The following PARP11 variants were observed in gnomAD, a reference collection of about 807,000 sequenced individuals.
PARP11 encodes the protein protein mono-ADP-ribosyltransferase PARP11.
In PARP11, 31 loss-of-function variants were observed where a neutral mutation model predicts 42.9. The observed-to-expected ratio is 0.72, with a 90% CI of 0.54 to 0.98. The LOEUF is 0.98. Ranked by LOEUF, PARP11 falls within the 50% of genes least tolerant of loss-of-function variation. The pLI is 0.00. For missense variants in PARP11, 365 were observed against 413.1 expected, an observed-to-expected ratio of 0.88 and a Z score of 1.01; for synonymous variants, 137 against 127.3, an observed-to-expected ratio of 1.08 and a Z score of -0.51.
At chr12:3,841,032 G>A in intron 1 of PARP11, 2 of 1,586,778 alleles carry the variant, frequency 1.3e-6, no homozygotes, top group Middle Eastern at 1.7e-4. Flanking sequence ...CAGTGACACA[G>A]ACTTTGACCC....
At chr12:3,858,644 G>A (rs1948235783) in intron 1 of PARP11, among the ~76,000 whole-genome samples, 1 of 152,144 alleles carries the variant, frequency 6.6e-6, no homozygotes, top group Non-Finnish European at 1.5e-5. Flanking sequence ...CATCATAGGT[G>A]GAGACAAAGC....
intron 1 of PARP11, among the ~76,000 whole-genome samples, chr12:3,852,596 AG>A (rs761078484): frequency 3.3e-5 from 5 of 152,208 alleles, no homozygotes; most frequent in Non-Finnish European, 7.3e-5. Flanking sequence ...AAGAGTAAAA[AG>A]AAATGAACAA....
intron 1 of PARP11, chr12:3,841,879 T>C (rs1947895313): frequency 4.4e-6 from 7 of 1,608,450 alleles, no homozygotes; most frequent in Non-Finnish European, 6.0e-6. Context: ...GTCTAAAGAT[T>C]GTGGTTCAGT....
rs1212636965 is a variant in PARP11, at chr12:3,830,002, G to A, written c.35C>T (p.Ala12Val). 1 of 1,613,522 alleles carries A rather than the reference G, an allele frequency of 6.2e-7. No homozygotes were observed. The highest frequency in any genetic ancestry group is 1.7e-5 in the Admixed American group (1 of 59,998). ...WEANPEMFHK[A>V]EELFSKTTNN... ...TGTTGTTTTAGAAAATAATTCTTCT[G>A]CTTTGTGAAACATCTCCTGAAAAGC... Residue 12 changes from alanine (A) to valine (V), a missense_variant, in exon 2 of 8, where the codon GCA (alanine) becomes GTA (valine). Coordinates refer to ENST00000228820, the MANE Select transcript of PARP11 (RefSeq NM_020367.6).
chr12:3,816,988 C>G (rs942352665), intron 6 of PARP11, among the ~76,000 whole-genome samples: 22 of 152,136 alleles, frequency 1.4e-4, no homozygotes, highest in Admixed American at 7.2e-4. Context: ...TCAGAAGATC[C>G]AGACCATCCT....
chr12:3,842,295 G>C, intron 1 of PARP11: 1 of 1,601,870 alleles, frequency 6.2e-7, no homozygotes, highest in Non-Finnish European at 8.6e-7. Context: ...GATCCAAGCA[G>C]TTCTATAATC....
chr12:3,850,817 A>G (rs113127230), intron 1 of PARP11, among the ~76,000 whole-genome samples: 6 of 152,352 alleles, frequency 3.9e-5, no homozygotes, highest in African/African-American at 1.4e-4. Context: ...TAAGTCTGAA[A>G]TATCTTACAG....
chr12:3,835,132 A>AG (rs1461370794), intron 1 of PARP11, among the ~76,000 whole-genome samples: 8 of 152,202 alleles, frequency 5.3e-5, no homozygotes, highest in African/African-American at 1.9e-4. Flanking sequence ...GACAAAAAAA[A>AG]ATGTAAACTC....
intron 1 of PARP11, among the ~76,000 whole-genome samples, chr12:3,852,058 A>G (rs1948105983): frequency 6.6e-6 from 1 of 152,208 alleles, no homozygotes; most frequent in African/African-American, 2.4e-5. Context: ...TGTTAGAAGG[A>G]AAACTAACAA....
chr12:3,856,226 T>C (rs572288288), intron 1 of PARP11, among the ~76,000 whole-genome samples: 1 of 152,188 alleles, frequency 6.6e-6, no homozygotes, highest in Non-Finnish European at 1.5e-5. Flanking sequence ...AAGGACTTCA[T>C]GACTAAAACA....
chr12:3,822,864 C>A (rs1487558897), intron 4 of PARP11, among the ~76,000 whole-genome samples: 2 of 152,066 alleles, frequency 1.3e-5, no homozygotes, highest in East Asian at 1.9e-4. Flanking sequence ...TGAATAAAAT[C>A]AAAACTCCTC....
chr12:3,857,782 T>A (rs1186034147), intron 1 of PARP11, among the ~76,000 whole-genome samples: 2 of 152,200 alleles, frequency 1.3e-5, no homozygotes, highest in Non-Finnish European at 2.9e-5. Context: ...ACTGTTCTGC[T>A]CATCCTCCAG....
chr12:3,871,459 C>G (rs1315600315), intron 1 of PARP11, among the ~76,000 whole-genome samples: 1 of 152,114 alleles, frequency 6.6e-6, no homozygotes, highest in African/African-American at 2.4e-5. Context: ...CTATGCTGTA[C>G]AGATTTCTAG....
chr12:3,853,867 T>C (rs369914288), intron 1 of PARP11, among the ~76,000 whole-genome samples: 11 of 152,314 alleles, frequency 7.2e-5, no homozygotes, highest in East Asian at 5.8e-4. Flanking sequence ...TATTCCAAAA[T>C]TGACCACATA....
intron 1 of PARP11, among the ~76,000 whole-genome samples, chr12:3,851,031 T>G: frequency 6.6e-6 from 1 of 152,250 alleles, no homozygotes; most frequent in South Asian, 2.1e-4. Flanking sequence ...AATAGTATGC[T>G]GATCATGAAA....
chr12:3,821,723 G>C (rs1947397076), intron 6 of PARP11, 150 bp downstream of exon 6: 4 of 755,242 alleles, frequency 5.3e-6, no homozygotes, highest in Non-Finnish European at 8.5e-6. Context: ...CACTCCCTGA[G>C]AATGCTGAAG....
chr12:3,856,225 A>G (rs894143557), intron 1 of PARP11, among the ~76,000 whole-genome samples: 5 of 152,226 alleles, frequency 3.3e-5, no homozygotes, highest in Non-Finnish European at 7.3e-5. Context: ...CAAGGACTTC[A>G]TGACTAAAAC....
chr12:3,822,373 C>T (rs902971016), intron 4 of PARP11, among the ~76,000 whole-genome samples: 6 of 150,572 alleles, frequency 4.0e-5, no homozygotes, highest in African/African-American at 9.9e-5. Flanking sequence ...CCGAGGCGAG[C>T]GGATCACGAG....
chr12:3,867,742 A>G lies in PARP11; in HGVS notation c.18+5470T>C, dbSNP rs191619519. 2.0e-5 allele frequency among the ~76,000 whole-genome samples: 3 copies of G among 152,328 alleles called. No individual in the cohort carries two copies. The East Asian group carries it at 5.8e-4, about 29-fold the overall frequency. ...AGAACATGACTAAATGTTAAAACAA[A>G]ACATGGGAAAATACTTTCCAGATAC... is the stretch of plus-strand genomic sequence containing the variant. On this transcript the variant is annotated intron_variant, in intron 1 of 7. Coordinates refer to ENST00000228820, the MANE Select transcript of PARP11 (RefSeq NM_020367.6).
Sources: allele counts gnomAD v4.1 joint callset (sites outside exome capture counted in the v4.1 genomes callset), GRCh38; gene constraint gnomAD v4.1.1; transcripts MANE v1.5; gene names NCBI Gene and HGNC (gene_info 2026-07-23, HGNC 2026-07-21).